The following GABRA3 variants were observed in gnomAD, a reference collection of about 807,000 sequenced individuals.
GABRA3 encodes the protein gamma-aminobutyric acid receptor subunit alpha-3.
GABRA3 carries 10 observed loss-of-function variants against 30.1 expected under a neutral mutation model. The ratio of observed to expected loss-of-function variants is 0.33; its 90% confidence interval spans 0.20 to 0.56. GABRA3 has a LOEUF of 0.56. Ranked by LOEUF, GABRA3 falls within the 20% of genes least tolerant of loss-of-function variation. The pLI is 0.89. For synonymous variants in GABRA3, 151 were observed against 146.8 expected, an observed-to-expected ratio of 1.03 and a Z score of -0.21; for missense variants, 233 against 392.0, an observed-to-expected ratio of 0.59 and a Z score of 3.42.
intron 1 of GABRA3, among the ~76,000 whole-genome samples, chrX:152,395,177 C>A (rs963127343): frequency 1.8e-5 from 2 of 111,175 alleles, no homozygotes; most frequent in Non-Finnish European, 1.9e-5. Flanking sequence ...TGACTCTACA[C>A]ATTTGTGTTT....
At chrX:152,303,357 T>C (rs750301458) in intron 3 of GABRA3, among the ~76,000 whole-genome samples, 209 of 112,110 alleles carry the variant, frequency 1.9e-3, no homozygotes, top group African/African-American at 6.3e-3. Flanking sequence ...GCTTTTACAC[T>C]GTTGTTGGGA....
At chrX:152,284,423 G>T (rs1282147530) in intron 4 of GABRA3, among the ~76,000 whole-genome samples, 1 of 111,230 alleles carries the variant, frequency 9.0e-6, no homozygotes, top group African/African-American at 3.3e-5. Flanking sequence ...ACAAACTTTT[G>T]AAAGATGTGT....
intron 1 of GABRA3, among the ~76,000 whole-genome samples, chrX:152,424,884 C>A (rs1239298249): frequency 1.0e-5 from 1 of 100,123 alleles, no homozygotes; most frequent in Non-Finnish European, 2.0e-5. Context: ...CACATTGTAT[C>A]TGTATACTTG....
intron 4 of GABRA3, among the ~76,000 whole-genome samples, chrX:152,283,628 T>C (rs752527588): frequency 3.8e-4 from 43 of 111,743 alleles, no homozygotes; most frequent in Non-Finnish European, 5.5e-4. Context: ...ACAACACATA[T>C]ATTTTTACTG....
At chrX:152,352,734 C>T (rs1940497254) in intron 2 of GABRA3, among the ~76,000 whole-genome samples, 1 of 111,304 alleles carries the variant, frequency 9.0e-6, no homozygotes. Flanking sequence ...GTCTCTGCAT[C>T]GCTCACAAAC....
chrX:152,332,504 C>T (rs1402073795), intron 3 of GABRA3, among the ~76,000 whole-genome samples: 2 of 112,305 alleles, frequency 1.8e-5, no homozygotes, highest in African/African-American at 3.2e-5. Flanking sequence ...AAACAAACTC[C>T]CACTTACTGA....
chrX:152,256,692 T>C (rs1603227298), intron 4 of GABRA3, among the ~76,000 whole-genome samples: 1 of 112,070 alleles, frequency 8.9e-6, no homozygotes, highest in Non-Finnish European at 1.9e-5. Flanking sequence ...GCATAATAAA[T>C]TGTTTGATTA....
chrX:152,198,055 T>TAATA (rs1461622805), intron 7 of GABRA3, among the ~76,000 whole-genome samples: 1 of 112,052 alleles, frequency 8.9e-6, no homozygotes, highest in Non-Finnish European at 1.9e-5. Flanking sequence ...ATTTAAATAA[T>TAATA]AATAAAATAA....
intron 1 of GABRA3, among the ~76,000 whole-genome samples, chrX:152,398,929 T>C (rs145442148): frequency 6.0e-4 from 67 of 111,916 alleles, no homozygotes; most frequent in African/African-American, 2.0e-3. Flanking sequence ...GAGATAGTCA[T>C]GATATATCAA....
At chrX:152,368,813 C>G (rs946107873) in intron 1 of GABRA3, among the ~76,000 whole-genome samples, 36 of 103,731 alleles carry the variant, frequency 3.5e-4, no homozygotes, top group Non-Finnish European at 3.1e-4. Flanking sequence ...TCACACCATT[C>G]TCCTGCCTCA....
intron 2 of GABRA3, among the ~76,000 whole-genome samples, chrX:152,349,719 A>G (rs1405929621): frequency 4.0e-4 from 37 of 91,759 alleles, no homozygotes; most frequent in African/African-American, 1.5e-3. Flanking sequence ...AGGCCATTAC[A>G]TAATGGTAAA....
chrX:152,187,733 C>T (rs1223883457), intron 9 of GABRA3, among the ~76,000 whole-genome samples: 2 of 111,802 alleles, frequency 1.8e-5, no homozygotes, highest in Non-Finnish European at 1.9e-5. Flanking sequence ...CATTACTATC[C>T]TGCTAACTCT....
At position 152,394,686 on chromosome X, in the gene GABRA3, G is replaced by A. The variant is rs755140656; in HGVS notation, c.-26-30090C>T. On this transcript the variant is annotated intron_variant, in intron 1 of 9. Transcript: ENST00000370314. ...AAGTGTGGTGTTTAAGTTTAAATAC[G>A]TAGTACAACTTCAATCACAGTATAT... is the stretch of plus-strand genomic sequence containing the variant. 7.6e-4 allele frequency among the ~76,000 whole-genome samples: 85 copies of A among 112,411 alleles called. 2 individuals are homozygous for A. The highest frequency in any genetic ancestry group is 1.1e-3 in the East Asian group (4 of 3,574).
At chrX:152,203,334 G>C (rs1743692061) in intron 7 of GABRA3, among the ~76,000 whole-genome samples, 1 of 111,745 alleles carries the variant, frequency 8.9e-6, no homozygotes, top group African/African-American at 3.3e-5. Context: ...AAATTTAAGT[G>C]GGTGGTAGGC....
chrX:152,341,863 C>CTTTAT (rs1210633636), intron 3 of GABRA3, among the ~76,000 whole-genome samples: 2 of 109,420 alleles, frequency 1.8e-5, no homozygotes, highest in African/African-American at 6.7e-5. Context: ...TTTTATTTTA[C>CTTTAT]TTTATTTTAT....
At chrX:152,406,596 T>TATATATA (rs1350603428) in intron 1 of GABRA3, among the ~76,000 whole-genome samples, 3 of 90,976 alleles carry the variant, frequency 3.3e-5, no homozygotes, top group South Asian at 4.8e-4. Flanking sequence ...ATATATATAT[T>TATATATA]TTTATATGGC....
intron 1 of GABRA3, among the ~76,000 whole-genome samples, chrX:152,438,083 T>C (rs775572110): frequency 8.0e-5 from 9 of 112,055 alleles, no homozygotes; most frequent in Non-Finnish European, 1.5e-4. Context: ...ACAGAACTTA[T>C]ATTGAAAATA....
At position 152,284,662 on chromosome X, in the gene GABRA3, A is replaced by C. The variant is rs1352514189; in HGVS notation, c.330+6T>G. 8.6e-7 allele frequency: 1 copy of C among 1,164,853 alleles called. No individual in the cohort carries two copies. The highest frequency in any genetic ancestry group is 1.2e-6 in the Non-Finnish European group (1 of 858,721). ...CTCTTTTACATTTACCTTTGCAAGA[A>C]CTTACCATGTCAGTGTCTGACACAG... On this transcript the variant is annotated splice_donor_region_variant and intron_variant, in intron 4 of 9. Coordinates refer to ENST00000370314, the MANE Select transcript of GABRA3 (RefSeq NM_000808.4).
At chrX:152,450,274 A>G (rs1036979648) in intron 1 of GABRA3, among the ~76,000 whole-genome samples, 1 of 110,216 alleles carries the variant, frequency 9.1e-6, no homozygotes, top group Non-Finnish European at 1.9e-5. Flanking sequence ...AGCCACAGCC[A>G]CAGCCACAGT....
Sources: allele counts gnomAD v4.1 joint callset (sites outside exome capture counted in the v4.1 genomes callset), GRCh38; gene constraint gnomAD v4.1.1; transcripts MANE v1.5; gene names NCBI Gene and HGNC (gene_info 2026-07-23, HGNC 2026-07-21).